Variants in HOMER1 observed in about 807,000 individuals in gnomAD.
HOMER1 encodes the protein homer protein homolog 1.
In HOMER1, 3 loss-of-function variants were observed where a neutral mutation model predicts 48.9. The ratio of observed to expected loss-of-function variants is 0.06; its 90% CI spans 0.03 to 0.16. The LOEUF is 0.16. Ranked by LOEUF, HOMER1 falls within the 10% of genes least tolerant of loss-of-function variation. The pLI is 1.00. For synonymous variants in HOMER1, 134 were observed against 146.4 expected (o/e 0.92, Z 0.61); for missense variants, 247 against 411.4 (o/e 0.60, Z 3.46).
At chr5:79,506,730 G>A (rs1462771221) in intron 1 of HOMER1, among the ~76,000 whole-genome samples, 2 of 152,048 alleles carry the variant, frequency 1.3e-5, no homozygotes, top group African/African-American at 2.4e-5. Context: ...CCAGCTACTC[G>A]GGAGTCTAAA....
intron 5 of HOMER1, among the ~76,000 whole-genome samples, chr5:79,411,301 A>G (rs1008239820): frequency 6.6e-6 from 1 of 152,172 alleles, no homozygotes; most frequent in Non-Finnish European, 1.5e-5. Context: ...CCTGGGCAAC[A>G]TGGTGAAACC....
intron 1 of HOMER1, among the ~76,000 whole-genome samples, chr5:79,458,983 T>C (rs1751244567): frequency 1.3e-5 from 2 of 152,170 alleles, no homozygotes; most frequent in Admixed American, 1.3e-4. Flanking sequence ...GGTAAAAGTA[T>C]TGTTGGTCAG....
intron 8 of HOMER1, among the ~76,000 whole-genome samples, chr5:79,383,845 C>T (rs1183510709): frequency 6.6e-6 from 1 of 151,848 alleles, no homozygotes; most frequent in Non-Finnish European, 1.5e-5. Flanking sequence ...GAAATCAATA[C>T]CAAGAAAAAC....
chr5:79,450,757 C>T (rs1323566382), intron 3 of HOMER1, among the ~76,000 whole-genome samples: 2 of 152,174 alleles, frequency 1.3e-5, no homozygotes, highest in African/African-American at 2.4e-5. Flanking sequence ...ATCACACAGA[C>T]AATTAACCAC....
intron 1 of HOMER1, among the ~76,000 whole-genome samples, chr5:79,502,829 C>G (rs547295023): frequency 2.6e-5 from 4 of 152,170 alleles, no homozygotes; most frequent in Admixed American, 6.5e-5. Context: ...CTCGCTCTGT[C>G]GCCCAGGCTG....
At chr5:79,455,004 C>G (rs1222024642) in intron 2 of HOMER1, among the ~76,000 whole-genome samples, 6 of 152,076 alleles carry the variant, frequency 3.9e-5, no homozygotes. Flanking sequence ...CAGGGTCTCG[C>G]TCTGGATATA....
chr5:79,374,547 T>C lies in HOMER1; in HGVS notation c.*1462A>G, dbSNP rs569279288. 9.2e-5 allele frequency: 14 copies of C among 152,056 alleles called. No individual in the cohort carries two copies. The East Asian group carries it at 2.3e-3, about 25-fold the overall frequency. 9.4% of individuals were successfully genotyped at this position (152,056 alleles called of 1,614,324 possible). A position where few individuals can be genotyped will look rare whatever the true frequency, so the allele number is the denominator to read the frequency against. ...ACTTAACAATTCGATCATTTTGGGGTACAAACAAGAAGTCAGTGCATTTAT... is the reference window on the plus strand; with the variant it reads ...ACTTAACAATTCGATCATTTTGGGGCACAAACAAGAAGTCAGTGCATTTAT... On this transcript the variant is annotated 3_prime_UTR_variant, in exon 9 of 9. Transcript: ENST00000334082.
intron 5 of HOMER1, among the ~76,000 whole-genome samples, chr5:79,411,662 G>C (rs1749817453): frequency 6.6e-6 from 1 of 152,140 alleles, no homozygotes; most frequent in Admixed American, 6.5e-5. Flanking sequence ...CATGTGAATG[G>C]TCACTTGCAG....
intron 1 of HOMER1, among the ~76,000 whole-genome samples, chr5:79,506,985 AG>A (rs1056478690): frequency 8.7e-4 from 132 of 152,076 alleles, no homozygotes; most frequent in African/African-American, 2.8e-3. Flanking sequence ...AGGCCGAGGC[AG>A]GCAGATCACG....
At chr5:79,420,767 A>C (rs1750074368) in intron 5 of HOMER1, among the ~76,000 whole-genome samples, 2 of 152,198 alleles carry the variant, frequency 1.3e-5, no homozygotes, top group Admixed American at 1.3e-4. Context: ...CACATCATCC[A>C]TACTGGTTAT....
chr5:79,478,440 G>A (rs1751846361), intron 1 of HOMER1, among the ~76,000 whole-genome samples: 1 of 152,168 alleles, frequency 6.6e-6, no homozygotes, highest in Non-Finnish European at 1.5e-5. Flanking sequence ...TGTAATCCTA[G>A]CACTTTGGGA....
chr5:79,457,755 A>T (rs1026128205), intron 1 of HOMER1, among the ~76,000 whole-genome samples: 1 of 152,326 alleles, frequency 6.6e-6, no homozygotes, highest in East Asian at 1.9e-4. Context: ...AACATGACAC[A>T]GTATTTTTCC....
chr5:79,457,138 T>A, intron 1 of HOMER1, 120 bp from the exon 2 acceptor site: 2 of 905,160 alleles, frequency 2.2e-6, no homozygotes, highest in Non-Finnish European at 3.4e-6. Flanking sequence ...TACCTGAAAG[T>A]AAGAGAAACT....
At chr5:79,452,569 A>ATCCC (rs1021713466) in intron 2 of HOMER1, among the ~76,000 whole-genome samples, 1 of 152,198 alleles carries the variant, frequency 6.6e-6, no homozygotes, top group African/African-American at 2.4e-5. Flanking sequence ...CCATGTGAGC[A>ATCCC]TTTTCTGAAC....
intron 1 of HOMER1, among the ~76,000 whole-genome samples, chr5:79,511,791 TG>T (rs1752952262): frequency 6.6e-6 from 1 of 152,230 alleles, no homozygotes; most frequent in South Asian, 2.1e-4. Context: ...TTCAAGCGTG[TG>T]TACACACCTA....
intron 1 of HOMER1, among the ~76,000 whole-genome samples, chr5:79,473,550 A>G (rs1298991515): frequency 1.3e-5 from 2 of 152,210 alleles, no homozygotes; most frequent in African/African-American, 4.8e-5. Context: ...AGTTATTTTC[A>G]GTTCTTTTAA....
chr5:79,505,023 A>T (rs1050589771), intron 1 of HOMER1, among the ~76,000 whole-genome samples: 1 of 152,042 alleles, frequency 6.6e-6, no homozygotes, highest in African/African-American at 2.4e-5. Flanking sequence ...CATGCCCATA[A>T]TCCCAGCACT....
intron 5 of HOMER1, among the ~76,000 whole-genome samples, chr5:79,416,376 G>C (rs914585317): frequency 6.6e-6 from 1 of 152,228 alleles, no homozygotes; most frequent in Admixed American, 6.5e-5. Context: ...TGTGAGAGGG[G>C]AGAAGGGAAT....
At chr5:79,406,757 G>C (rs1172773259) in intron 5 of HOMER1, among the ~76,000 whole-genome samples, 1 of 152,184 alleles carries the variant, frequency 6.6e-6, no homozygotes, top group African/African-American at 2.4e-5. Context: ...ACAGAAAATA[G>C]TCCTGGATTC....
Sources: allele counts gnomAD v4.1 joint callset (sites outside exome capture counted in the v4.1 genomes callset), GRCh38; gene constraint gnomAD v4.1.1; transcripts MANE v1.5; gene names NCBI Gene and HGNC (gene_info 2026-07-23, HGNC 2026-07-21).